The following TSPAN1 variants were observed in gnomAD, a reference collection of about 807,000 sequenced individuals.
TSPAN1 encodes tetraspanin 1, also known as tetraspanin-1.
A neutral mutation model predicts 26.9 loss-of-function variants in TSPAN1; 23 were observed. The observed-to-expected ratio is 0.85, with a 90% CI of 0.62 to 1.21. TSPAN1 has a LOEUF of 1.21. Among genes scored for constraint, TSPAN1 ranks in the 50% most tolerant of loss-of-function variants. TSPAN1 has a pLI of 0.00. For synonymous variants in TSPAN1, 115 were observed against 114.8 expected (o/e 1.00, Z -0.01); for missense variants, 283 against 298.4 (o/e 0.95, Z 0.38).
Position 46,184,302 on chromosome 1 carries a change from G to T in TSPAN1, c.169G>T (p.Gly57Cys). ...SSSAMQFVNVGYFLIAAGVVV... is the reference protein window; with the variant it reads ...SSSAMQFVNVCYFLIAAGVVV... ...CAGTGCCATGCAGTTTGTCAACGTG[G>T]GCTACTTCCTCATCGCAGCCGGCGT... The change falls in exon 4 of 9, where the codon GGC becomes TGC. Residue 57 changes from glycine (G) to cysteine (C), a missense_variant. Coordinates refer to ENST00000372003, the MANE Select transcript of TSPAN1 (RefSeq NM_005727.4). 6.2e-7 allele frequency: 1 copy of T among 1,614,148 alleles called. No individual in the cohort carries two copies. The highest frequency in any genetic ancestry group is 8.5e-7 in the Non-Finnish European group (1 of 1,180,028).
chr1:46,182,620 C>T (rs1174914180), intron 3 of TSPAN1, among the ~76,000 whole-genome samples: 1 of 151,798 alleles, frequency 6.6e-6, no homozygotes, highest in Non-Finnish European at 1.5e-5. Flanking sequence ...TGAGGAAGGA[C>T]AATCACTTGA....
chr1:46,194,893 G>T, the TSPAN1 span: 1 of 1,614,126 alleles, frequency 6.2e-7, no homozygotes, highest in Non-Finnish European at 8.5e-7. Flanking sequence ...CCAGGGCAGG[G>T]CCAGCCTGGC....
chr1:46,182,355 G>C lies in TSPAN1; in HGVS notation c.57+1191G>C, dbSNP rs182263772. ...GAGATGGAGAAGGAGCAGTGGGAGG[G>C]GGAGAGGAAAACAAGGAGAGTAGTA... On this transcript the variant is annotated intron_variant, in intron 3 of 8. Coordinates refer to ENST00000372003, the MANE Select transcript of TSPAN1 (RefSeq NM_005727.4). Among the ~76,000 whole-genome samples, 279 of 140,272 alleles carry C rather than the reference G, an allele frequency of 2.0e-3. 1 individual carries two copies. Among genetic ancestry groups the C allele is most frequent in the African/African-American group, 6.6e-3 (253 of 38,420 alleles). The allele number at this position is 140,272 out of a possible 152,430, so 92.0% of individuals were successfully genotyped here. A position where few individuals can be genotyped will look rare whatever the true frequency, so the allele number is the denominator to read the frequency against.
chr1:46,185,810 G>C lies in TSPAN1; in HGVS notation c.*277G>C, dbSNP rs1384377686. ...CATTCCCCCAGTCTATTAAACCCTT[G>C]ATATGCCCCCTAGGCCTAGTGGTGA... is the stretch of plus-strand genomic sequence containing the variant. On this transcript the variant is annotated 3_prime_UTR_variant, in exon 9 of 9. Coordinates refer to ENST00000372003, the MANE Select transcript of TSPAN1 (RefSeq NM_005727.4). 1 of 547,706 alleles carries C rather than the reference G, an allele frequency of 1.8e-6. No homozygotes were observed. The highest frequency in any genetic ancestry group is 3.1e-5 in the East Asian group (1 of 31,754). 33.9% of individuals were successfully genotyped at this position (547,706 alleles called of 1,614,324 possible).
rs954755465 is a variant in TSPAN1 at position 46,184,611 on chromosome 1, C to G, written c.282C>G (p.Leu94=). ...CALVTFFFIL[L]LIFIAEVAAA... ...CCACTCAGTTCTTCTTCATCCTCCT[C>G]CTCATCTTCATTGCTGAGGTTGCAG... Residue 94 remains leucine (L), a synonymous_variant, in exon 5 of 9, where the codon CTC becomes CTG. Coordinates refer to ENST00000372003, the MANE Select transcript of TSPAN1 (RefSeq NM_005727.4). 1.9e-6 allele frequency: 3 copies of G among 1,614,120 alleles called. No homozygotes were observed. Among genetic ancestry groups the G allele is most frequent in the Non-Finnish European group, 2.5e-6 (3 of 1,180,046 alleles).
At chr1:46,184,426 T>C (rs780960371) in intron 4 of TSPAN1, 29 bp downstream of exon 4, 3 of 1,613,748 alleles carry the variant, frequency 1.9e-6, no homozygotes, top group African/African-American at 2.7e-5. Flanking sequence ...CACAGGCTGA[T>C]GACCAAGAGT....
the TSPAN1 span, chr1:46,193,972 C>T: frequency 6.2e-7 from 1 of 1,608,824 alleles, no homozygotes; most frequent in Admixed American, 1.7e-5. Flanking sequence ...CCCCTTCAAA[C>T]TGGGATCCCC....
At chr1:46,187,959 C>T (rs1657473945), downstream of TSPAN1, among the ~76,000 whole-genome samples, 1 of 152,172 alleles carries the variant, frequency 6.6e-6, no homozygotes, top group Admixed American at 6.5e-5. Flanking sequence ...TGAAGAGGTG[C>T]TCCACACTCA....
intron 2 of TSPAN1, 79 bp from the exon 3 acceptor site, chr1:46,181,021 G>A: frequency 7.9e-7 from 1 of 1,264,976 alleles, no homozygotes; most frequent in South Asian, 1.2e-5. Flanking sequence ...GGCATATCTG[G>A]CTGAATATCT....
At position 46,184,401 on chromosome 1, in the gene TSPAN1, T is replaced by C. The variant is rs763805305; in HGVS notation, c.264+4T>C. The C allele has an allele frequency of 1.2e-5, 19 of 1,613,914 alleles. No individual in the cohort carries two copies. The highest frequency in any genetic ancestry group is 1.6e-5 in the Non-Finnish European group (19 of 1,179,988). On this transcript the variant is annotated splice_donor_region_variant and intron_variant, in intron 4 of 8. Coordinates refer to ENST00000372003, the MANE Select transcript of TSPAN1 (RefSeq NM_005727.4). ...GAGCAAGTGTGCCCTCGTGACGGTG[T>C]GTGAAACCCAGCTCCACAGGCTGAT... is the stretch of plus-strand genomic sequence containing the variant.
intron 2 of TSPAN1, 95 bp from the exon 3 acceptor site, chr1:46,181,005 G>A: frequency 9.8e-7 from 1 of 1,023,380 alleles, no homozygotes; most frequent in Non-Finnish European, 1.5e-6. Context: ...CAGGATCCTG[G>A]GGTCTGGCAT....
chr1:46,181,201 A>G (rs1657308362), intron 3 of TSPAN1, 37 bp downstream of exon 3: 9 of 1,594,448 alleles, frequency 5.6e-6, no homozygotes, highest in Non-Finnish European at 7.7e-6. Flanking sequence ...GGGGCTCCCT[A>G]TAGGAGCAGG....
chr1:46,184,524 G>A, intron 4 of TSPAN1, 70 bp from the exon 5 acceptor site: 6 of 1,604,928 alleles, frequency 3.7e-6, no homozygotes, highest in Non-Finnish European at 5.1e-6. Flanking sequence ...TTTTCCGGGG[G>A]GGGGATTAGG....
chr1:46,184,753 C>T, intron 5 of TSPAN1, 32 bp from the exon 6 acceptor site: 2 of 1,613,690 alleles, frequency 1.2e-6, no homozygotes, highest in Non-Finnish European at 1.7e-6. Context: ...ACCTTCTGTA[C>T]CAGCCCCTAA....
chr1:46,194,182 C>T, the TSPAN1 span: 3 of 1,607,566 alleles, frequency 1.9e-6, no homozygotes, highest in African/African-American at 2.7e-5. Context: ...CTCCCAGGCT[C>T]AGGTAGGGAA....
At chr1:46,192,892 C>G in the TSPAN1 span, 5 of 1,614,124 alleles carry the variant, frequency 3.1e-6, no homozygotes, top group South Asian at 5.5e-5. Context: ...CCTAGAGACT[C>G]CCCTCACCTG....
the TSPAN1 span, chr1:46,191,104 C>T: frequency 2.7e-6 from 1 of 369,288 alleles, no homozygotes; most frequent in Non-Finnish European, 5.2e-6. Flanking sequence ...ATGTCAGAAA[C>T]AGGCCCTGCA....
In TSPAN1 at chr1:46,184,948, TC is replaced by T; in HGVS notation, c.439-11del. On this transcript the variant is annotated splice_polypyrimidine_tract_variant and intron_variant, in intron 6 of 8. Coordinates refer to ENST00000372003, the MANE Select transcript of TSPAN1 (RefSeq NM_005727.4). The stretch of plus-strand genomic sequence containing the variant: ...AAGCAAGGCCCCACCTCCACCCTCA[TC>T]TTGTCTCCAGCTCAAGTGCTGTGGC... 2 of 1,614,198 alleles carry T rather than the reference TC, an allele frequency of 1.2e-6. No homozygotes were observed. Among genetic ancestry groups the T allele is most frequent in the Non-Finnish European group, 1.7e-6 (2 of 1,180,034 alleles).
intron 1 of TSPAN1, chr1:46,176,386 G>A (rs1657162960): frequency 2.0e-6 from 3 of 1,535,756 alleles, no homozygotes; most frequent in Non-Finnish European, 2.6e-6. Context: ...GGGAAATCGG[G>A]GCCTGGGCCA....
Sources: gnomAD v4.1 joint callset for allele counts (sites outside exome capture counted in the v4.1 genomes callset) on GRCh38, gnomAD v4.1.1 for gene constraint, MANE v1.5 for transcripts, NCBI Gene and HGNC (gene_info 2026-07-23, HGNC 2026-07-21) for gene names.